NOL4: variants seen among roughly 807,000 people sequenced by gnomAD.
NOL4 encodes the protein cancer/testis antigen 125.
Under a neutral mutation model 75.9 loss-of-function variants are expected in NOL4, and 17 were observed. The ratio of observed to expected loss-of-function variants is 0.22; its 90% CI spans 0.15 to 0.34. NOL4 has a LOEUF of 0.34. NOL4 is among the 10% of genes least tolerant of loss of function. The pLI is 1.00. For synonymous variants in NOL4, 292 were observed against 289.9 expected, an observed-to-expected ratio of 1.01 and a Z score of -0.07; for missense variants, 614 against 793.5, an observed-to-expected ratio of 0.77 and a Z score of 2.72.
chr18:34,206,033 T>G (rs1885034573), intron 1 of NOL4, among the ~76,000 whole-genome samples: 3 of 152,230 alleles, frequency 2.0e-5, no homozygotes, highest in Admixed American at 1.3e-4. Context: ...TTTGATATGC[T>G]ACATTATCAT....
chr18:34,154,769 CA>C (rs1232414034), intron 1 of NOL4, among the ~76,000 whole-genome samples: 1 of 151,908 alleles, frequency 6.6e-6, no homozygotes, highest in Non-Finnish European at 1.5e-5. Context: ...GTCTCTCTAG[CA>C]GTATACTAAC....
chr18:34,098,359 G>A (rs954577440), intron 4 of NOL4, among the ~76,000 whole-genome samples: 2 of 152,158 alleles, frequency 1.3e-5, no homozygotes, highest in Non-Finnish European at 2.9e-5. Context: ...CACACTGTGA[G>A]GAAGCATAAG....
At chr18:33,929,497 T>C (rs1177433173) in intron 9 of NOL4, among the ~76,000 whole-genome samples, 2 of 152,200 alleles carry the variant, frequency 1.3e-5, no homozygotes, top group African/African-American at 2.4e-5. Flanking sequence ...ATTTCACTTA[T>C]CTTTAACAGA....
chr18:34,089,798 C>T (rs1376128701), intron 5 of NOL4, among the ~76,000 whole-genome samples: 1 of 152,188 alleles, frequency 6.6e-6, no homozygotes, highest in African/African-American at 2.4e-5. Context: ...AGCTGCTAAA[C>T]ATTATGCAAT....
chr18:34,130,100 A>G, intron 1 of NOL4, 80 bp from the exon 2 acceptor site: 1 of 1,313,668 alleles, frequency 7.6e-7, no homozygotes, highest in Non-Finnish European at 9.9e-7. Context: ...GTTTAAAACA[A>G]AATGTTTTTA....
At chr18:34,008,371 G>GTCTGTCTGTCTATCTA (rs1555690666) in intron 6 of NOL4, among the ~76,000 whole-genome samples, 4 of 147,566 alleles carry the variant, frequency 2.7e-5, no homozygotes, top group African/African-American at 7.5e-5. Context: ...CTATCTGTCT[G>GTCTGTCTGTCTATCTA]TCTATCTATC....
chr18:33,950,720 AAGAG>A (rs982688820), intron 8 of NOL4, among the ~76,000 whole-genome samples: 5 of 152,174 alleles, frequency 3.3e-5, no homozygotes, highest in Admixed American at 6.6e-5. Context: ...ACACAGAAGA[AAGAG>A]AGATTTGAGG....
chr18:33,899,682 T>G (rs2065632895), intron 9 of NOL4, among the ~76,000 whole-genome samples: 1 of 152,170 alleles, frequency 6.6e-6, no homozygotes, highest in Admixed American at 6.6e-5. Flanking sequence ...CAGGACAAGT[T>G]GCTCTGGTGT....
intron 1 of NOL4, among the ~76,000 whole-genome samples, chr18:34,181,299 G>A (rs752806694): frequency 6.6e-6 from 1 of 151,470 alleles, no homozygotes; most frequent in Non-Finnish European, 1.5e-5. Context: ...TGACAAGGGT[G>A]CCAAGACAAT....
chr18:33,853,397 A>C (rs1487665314), intron 10 of NOL4, among the ~76,000 whole-genome samples: 2 of 152,006 alleles, frequency 1.3e-5, no homozygotes, highest in Non-Finnish European at 2.9e-5. Flanking sequence ...AATTACAAAC[A>C]TTTTTCATTT....
intron 1 of NOL4, among the ~76,000 whole-genome samples, chr18:34,215,726 G>A (rs959282992): frequency 4.6e-5 from 7 of 152,112 alleles, no homozygotes; most frequent in East Asian, 1.9e-4. Context: ...ATAGAAAATC[G>A]AAAATACAGC....
At chr18:34,163,071 G>A (rs536908882) in intron 1 of NOL4, among the ~76,000 whole-genome samples, 3 of 152,234 alleles carry the variant, frequency 2.0e-5, no homozygotes, top group Non-Finnish European at 4.4e-5. Flanking sequence ...CAATAAATTA[G>A]GTATTGATGG....
intron 6 of NOL4, 60 bp downstream of exon 6, chr18:34,019,258 G>A (rs1288523444): frequency 7.2e-7 from 1 of 1,391,874 alleles, no homozygotes; most frequent in Admixed American, 1.8e-5. Context: ...ATATGCATAG[G>A]TATTTTTTGT....
chr18:33,993,525 T>C (rs2073067793), intron 6 of NOL4, among the ~76,000 whole-genome samples: 1 of 151,820 alleles, frequency 6.6e-6, no homozygotes. Flanking sequence ...GTATTTAAAA[T>C]GGGAAGTTTC....
At chr18:33,908,405 A>C (rs964227104) in intron 9 of NOL4, among the ~76,000 whole-genome samples, 1 of 152,188 alleles carries the variant, frequency 6.6e-6, no homozygotes, top group African/African-American at 2.4e-5. Flanking sequence ...TGGTTGGCTG[A>C]GCAGAATGAA....
intron 5 of NOL4, among the ~76,000 whole-genome samples, chr18:34,043,558 G>T (rs1156893478): frequency 3.9e-5 from 6 of 152,088 alleles, no homozygotes; most frequent in Non-Finnish European, 5.9e-5. Flanking sequence ...ACAATGTGAG[G>T]TGCAGAATGA....
intron 5 of NOL4, among the ~76,000 whole-genome samples, chr18:34,068,586 G>A (rs1209725779): frequency 6.6e-6 from 1 of 151,936 alleles, no homozygotes; most frequent in Non-Finnish European, 1.5e-5. Context: ...GTTTAGTAGA[G>A]ACAGGGTTTC....
chr18:33,860,610 T>C (rs368728492), intron 10 of NOL4, among the ~76,000 whole-genome samples: 1 of 152,144 alleles, frequency 6.6e-6, no homozygotes, highest in Admixed American at 6.5e-5. Flanking sequence ...CTTTTCCTAA[T>C]TGAATACCCT....
At chr18:34,160,811 T>G (rs1002487321) in intron 1 of NOL4, among the ~76,000 whole-genome samples, 7 of 152,202 alleles carry the variant, frequency 4.6e-5, no homozygotes, top group African/African-American at 1.7e-4. Context: ...TTGTTATTTC[T>G]TTGTTCTGGG....
Sources: allele counts gnomAD v4.1 joint callset (sites outside exome capture counted in the v4.1 genomes callset), GRCh38; gene constraint gnomAD v4.1.1; transcripts MANE v1.5; gene names NCBI Gene and HGNC (gene_info 2026-07-23, HGNC 2026-07-21).